The following CEP83 variants were observed in gnomAD, a reference collection of about 807,000 sequenced individuals.
CEP83 encodes the protein centrosomal protein 83.
In CEP83, 70 loss-of-function variants were observed where a neutral mutation model predicts 101.9. That is an observed-to-expected ratio of 0.69 (90% CI 0.57 to 0.84). The LOEUF (loss-of-function observed/expected upper bound fraction) is 0.84. Among genes scored for constraint, CEP83 ranks in the 40% least tolerant of loss-of-function variants. The pLI, the probability that CEP83 is intolerant of heterozygous loss-of-function variation, is 0.00. For synonymous variants in CEP83, 264 were observed against 267.9 expected, an observed-to-expected ratio of 0.99 and a Z score of 0.14; for missense variants, 715 against 787.2, an observed-to-expected ratio of 0.91 and a Z score of 1.10.
At chr12:94,334,392 TCA>T (rs970091096) in intron 12 of CEP83, among the ~76,000 whole-genome samples, 2 of 152,136 alleles carry the variant, frequency 1.3e-5, no homozygotes, top group African/African-American at 2.4e-5. Flanking sequence ...CTAGAAAGAT[TCA>T]CACTCTTCTA....
the CEP83 span, chr12:94,298,922 T>G: frequency 2.3e-6 from 2 of 874,714 alleles, no homozygotes; most frequent in South Asian, 3.6e-5. Context: ...CTTGGTAAGC[T>G]ATCATGTCAA....
downstream of CEP83, chr12:94,303,693 CTTTTTT>C: frequency 4.0e-5 from 28 of 699,028 alleles, no homozygotes; most frequent in East Asian, 2.5e-4. Context: ...ATTCCTCCAT[CTTTTTT>C]TTTTTTTTTT....
chr12:94,287,221 C>T, the CEP83 span, among the ~76,000 whole-genome samples: 219 of 152,358 alleles, frequency 1.4e-3, 1 homozygote, highest in South Asian at 8.1e-3. Flanking sequence ...TGTCTTTACA[C>T]ATGAAGCCAG....
intron 1 of CEP83, among the ~76,000 whole-genome samples, chr12:94,450,687 A>C (rs2138566225): frequency 6.6e-6 from 1 of 152,372 alleles, no homozygotes; most frequent in Non-Finnish European, 1.5e-5. Flanking sequence ...CTGAAAAGTA[A>C]AAAACATTAT....
chr12:94,450,793 A>C (rs1344004688), intron 1 of CEP83, among the ~76,000 whole-genome samples: 1 of 152,236 alleles, frequency 6.6e-6, no homozygotes, highest in Non-Finnish European at 1.5e-5. Context: ...TCCCATATTG[A>C]TGGATAGATT....
At chr12:94,431,471 C>T (rs2065620506) in intron 2 of CEP83, among the ~76,000 whole-genome samples, 1 of 151,908 alleles carries the variant, frequency 6.6e-6, no homozygotes, top group Admixed American at 6.6e-5. Flanking sequence ...AAAGCTTCAA[C>T]ACAGCAAAGG....
chr12:94,322,140 T>A (rs1423830285), intron 14 of CEP83, among the ~76,000 whole-genome samples: 1 of 151,984 alleles, frequency 6.6e-6, no homozygotes, highest in Admixed American at 6.6e-5. Flanking sequence ...AGTAACAGGA[T>A]CAGGGACCCA....
chr12:94,412,687 T>A, intron 2 of CEP83, 96 bp from the exon 3 acceptor site: 1 of 380,008 alleles, frequency 2.6e-6, no homozygotes, highest in Admixed American at 5.6e-5. Flanking sequence ...TTATTCTTTT[T>A]TTTTTCTTTT....
chr12:94,385,988 T>C (rs2062122619), intron 6 of CEP83, among the ~76,000 whole-genome samples: 1 of 152,224 alleles, frequency 6.6e-6, no homozygotes, highest in South Asian at 2.1e-4. Flanking sequence ...TAATAGGCTG[T>C]ACCATATAGG....
At chr12:94,375,097 G>A (rs900302380) in intron 8 of CEP83, among the ~76,000 whole-genome samples, 2 of 152,146 alleles carry the variant, frequency 1.3e-5, no homozygotes, top group East Asian at 1.9e-4. Context: ...TGAAAACAAT[G>A]TCCCTGCTCT....
At chr12:94,306,331 T>C (rs886904779), downstream of CEP83, 2 of 152,200 alleles carry the variant, frequency 1.3e-5, no homozygotes, top group East Asian at 3.8e-4. Context: ...AATATTAGTA[T>C]ACAACTTGGT....
chr12:94,322,985 G>A (rs145069398), intron 14 of CEP83, among the ~76,000 whole-genome samples: 392 of 152,248 alleles, frequency 2.6e-3, no homozygotes, highest in Non-Finnish European at 4.4e-3. Flanking sequence ...TTTCCATAGG[G>A]TGGCTGCAAT....
chr12:94,290,581 G>A, the CEP83 span, among the ~76,000 whole-genome samples: 6 of 152,186 alleles, frequency 3.9e-5, no homozygotes, highest in Non-Finnish European at 7.3e-5. Flanking sequence ...TAAACTTAGC[G>A]GCTGGCTGGA....
intron 2 of CEP83, among the ~76,000 whole-genome samples, chr12:94,431,860 T>C (rs1009420609): frequency 6.6e-6 from 1 of 152,130 alleles, no homozygotes; most frequent in African/African-American, 2.4e-5. Flanking sequence ...ACAGCTACTA[T>C]GAAAAACAGC....
chr12:94,408,652 T>A (rs1027661747), intron 4 of CEP83, among the ~76,000 whole-genome samples: 3 of 152,078 alleles, frequency 2.0e-5, no homozygotes, highest in African/African-American at 7.2e-5. Flanking sequence ...TAACCATGGC[T>A]CCCTGAAGCC....
intron 11 of CEP83, among the ~76,000 whole-genome samples, chr12:94,363,366 T>C (rs1364867439): frequency 2.6e-5 from 4 of 152,178 alleles, no homozygotes; most frequent in Non-Finnish European, 2.9e-5. Context: ...ATGGAGAAAT[T>C]AGAAGTCTTT....
chr12:94,339,908 T>G (rs2059607155), intron 11 of CEP83, among the ~76,000 whole-genome samples: 1 of 152,244 alleles, frequency 6.6e-6, no homozygotes, highest in Admixed American at 6.5e-5. Flanking sequence ...TGCCTGGTCC[T>G]TCAAACATTG....
intron 14 of CEP83, among the ~76,000 whole-genome samples, chr12:94,320,458 T>C (rs1451629615): frequency 6.6e-6 from 1 of 152,078 alleles, no homozygotes; most frequent in Non-Finnish European, 1.5e-5. Flanking sequence ...CTTAAGTGTG[T>C]TTCTGTATTG....
chr12:94,269,581 C>T, the CEP83 span, among the ~76,000 whole-genome samples: 8 of 152,178 alleles, frequency 5.3e-5, no homozygotes, highest in Non-Finnish European at 1.2e-4. Context: ...ATCCATTAGC[C>T]CCGTAATTAA....
Sources: gnomAD v4.1 joint callset for allele counts (sites outside exome capture counted in the v4.1 genomes callset) on GRCh38, gnomAD v4.1.1 for gene constraint, MANE v1.5 for transcripts, NCBI Gene and HGNC (gene_info 2026-07-23, HGNC 2026-07-21) for gene names.